The following PTPRD variants were observed in gnomAD, a reference collection of about 807,000 sequenced individuals.
PTPRD encodes protein tyrosine phosphatase receptor type D, also known as receptor-type tyrosine-protein phosphatase delta.
PTPRD carries 34 observed loss-of-function variants against 214.5 expected under a neutral mutation model. The ratio of observed to expected loss-of-function variants is 0.16; its 90% CI spans 0.12 to 0.21. The LOEUF (loss-of-function observed/expected upper bound fraction) is 0.21, where lower values mean the gene tolerates loss of function less well. Among genes scored for constraint, PTPRD ranks in the 10% least tolerant of loss-of-function variants. The pLI, the probability that PTPRD is intolerant of heterozygous loss-of-function variation, is 1.00. For synonymous variants in PTPRD, 1,128 were observed against 845.7 expected (o/e 1.33, Z -5.79); for missense variants, 2,545 against 2,398.7 (o/e 1.06, Z -1.27).
At chr9:8,422,413 T>G (rs940702407) in intron 35 of PTPRD, among the ~76,000 whole-genome samples, 13 of 152,120 alleles carry the variant, frequency 8.5e-5, no homozygotes, top group Admixed American at 7.9e-4. Flanking sequence ...TGTTTATTTT[T>G]CAGAAAACAT....
chr9:8,746,913 G>A (rs146278237), intron 11 of PTPRD, among the ~76,000 whole-genome samples: 38 of 152,274 alleles, frequency 2.5e-4, no homozygotes, highest in African/African-American at 8.4e-4. Flanking sequence ...TCAAAGTAGA[G>A]GAGTAGTCAT....
At chr9:8,509,192 A>C (rs1046881593) in intron 21 of PTPRD, among the ~76,000 whole-genome samples, 2 of 152,152 alleles carry the variant, frequency 1.3e-5, no homozygotes, top group Non-Finnish European at 2.9e-5. Flanking sequence ...CAAGAGGCAG[A>C]GGGACAGAGG....
intron 9 of PTPRD, among the ~76,000 whole-genome samples, chr9:9,387,330 G>C (rs10115635): frequency 0.24 from 36,378 of 152,034 alleles, 4,424 homozygotes; most frequent in Middle Eastern, 0.37. Context: ...ACAGTTTAGG[G>C]CTAGAGTGTC....
intron 8 of PTPRD, among the ~76,000 whole-genome samples, chr9:9,424,850 T>C (rs1373471187): frequency 2.0e-5 from 3 of 152,168 alleles, no homozygotes. Context: ...TATATGCATA[T>C]ATACTATGAT....
At chr9:10,499,800 T>C (rs558902231) in intron 2 of PTPRD, among the ~76,000 whole-genome samples, 1 of 152,040 alleles carries the variant, frequency 6.6e-6, no homozygotes, top group East Asian at 1.9e-4. Context: ...CAAAAACTTT[T>C]TCATAATATT....
Position 9,273,552 on chromosome 9 carries a change from T to G in PTPRD, c.-202-90189A>C, listed in dbSNP as rs1343786794. On this transcript the variant is annotated intron_variant, in intron 9 of 45. Transcript: ENST00000381196. ...TTTACTATTCTAATGGAATTTTCTT[T>G]AAAAACAGAGAACTGTGAAAACATT... 2.0e-5 allele frequency among the ~76,000 whole-genome samples: 3 copies of G among 151,332 alleles called. No individual in the cohort carries two copies. The East Asian group carries it at 5.9e-4, about 30-fold the overall frequency.
At chr9:9,989,855 TCCTGCA>T (rs2095852923) in intron 4 of PTPRD, among the ~76,000 whole-genome samples, 1 of 152,172 alleles carries the variant, frequency 6.6e-6, no homozygotes, top group Non-Finnish European at 1.5e-5. Flanking sequence ...TTGCCCCAGC[TCCTGCA>T]CCTGCTCACC....
intron 3 of PTPRD, among the ~76,000 whole-genome samples, chr9:10,133,630 A>T (rs1398168971): frequency 6.6e-6 from 1 of 152,180 alleles, no homozygotes; most frequent in African/African-American, 2.4e-5. Flanking sequence ...ATATAACTAT[A>T]AGTCCACCAT....
intron 3 of PTPRD, among the ~76,000 whole-genome samples, chr9:10,091,708 C>A (rs2098434078): frequency 1.3e-5 from 2 of 151,362 alleles, no homozygotes; most frequent in South Asian, 4.1e-4. Context: ...AAAGCAGGGT[C>A]ATTTATTAAT....
intron 7 of PTPRD, among the ~76,000 whole-genome samples, chr9:9,725,323 T>C (rs2098065171): frequency 6.6e-6 from 1 of 151,950 alleles, no homozygotes; most frequent in African/African-American, 2.4e-5. Context: ...GCTTTTTTTT[T>C]TTTTGCCTGC....
intron 3 of PTPRD, among the ~76,000 whole-genome samples, chr9:10,241,703 G>A (rs564463785): frequency 9.2e-5 from 14 of 151,974 alleles, no homozygotes; most frequent in Admixed American, 8.5e-4. Flanking sequence ...TGGAGGAACG[G>A]TTATTATAAA....
At chr9:9,921,491 A>AT (rs1236550083) in intron 5 of PTPRD, among the ~76,000 whole-genome samples, 2 of 151,906 alleles carry the variant, frequency 1.3e-5, no homozygotes, top group African/African-American at 2.4e-5. Context: ...TCTTAGAATG[A>AT]TTTTTTTAAT....
chr9:10,396,338 C>A (rs186090309), intron 2 of PTPRD, among the ~76,000 whole-genome samples: 6 of 152,070 alleles, frequency 3.9e-5, no homozygotes, highest in Admixed American at 3.3e-4. Flanking sequence ...GAGGGAGATG[C>A]TGAGGTAGCC....
chr9:10,120,157 C>T (rs1024203552), intron 3 of PTPRD, among the ~76,000 whole-genome samples: 2 of 151,924 alleles, frequency 1.3e-5, no homozygotes, highest in African/African-American at 2.4e-5. Flanking sequence ...TTCATAATAA[C>T]AAAGTATAAT....
At chr9:9,440,212 T>A (rs1459613449) in intron 8 of PTPRD, among the ~76,000 whole-genome samples, 1 of 152,208 alleles carries the variant, frequency 6.6e-6, no homozygotes, top group East Asian at 1.9e-4. Context: ...TATTACCAAC[T>A]TCAGCTTTTA....
At chr9:8,469,160 G>A (rs2096604484) in intron 31 of PTPRD, among the ~76,000 whole-genome samples, 1 of 151,962 alleles carries the variant, frequency 6.6e-6, no homozygotes, top group Non-Finnish European at 1.5e-5. Flanking sequence ...CCTTTGTTAT[G>A]GGAATCAGCA....
At chr9:8,820,524 T>C (rs1329844806) in intron 11 of PTPRD, among the ~76,000 whole-genome samples, 1 of 152,246 alleles carries the variant, frequency 6.6e-6, no homozygotes, top group Non-Finnish European at 1.5e-5. Context: ...GTGTTTCATT[T>C]ACCATCAAAG....
At chr9:8,804,885 A>C (rs990995740) in intron 11 of PTPRD, among the ~76,000 whole-genome samples, 6 of 152,208 alleles carry the variant, frequency 3.9e-5, no homozygotes, top group African/African-American at 1.4e-4. Flanking sequence ...GTGATGTTTT[A>C]ACACCTCCCA....
chr9:8,833,449 T>A (rs1037733759), intron 11 of PTPRD, among the ~76,000 whole-genome samples: 3 of 152,084 alleles, frequency 2.0e-5, no homozygotes, highest in African/African-American at 7.2e-5. Flanking sequence ...ATTCATCGCT[T>A]TAGTAGATGT....
Sources: gnomAD v4.1 joint callset for allele counts (sites outside exome capture counted in the v4.1 genomes callset) on GRCh38, gnomAD v4.1.1 for gene constraint, MANE v1.5 for transcripts, NCBI Gene and HGNC (gene_info 2026-07-23, HGNC 2026-07-21) for gene names.